The following PROM1 variants were observed in gnomAD, a reference collection of about 807,000 sequenced individuals.
The protein encoded by PROM1 is prominin 1, also known as prominin-1.
In PROM1, 105 loss-of-function variants were observed where a neutral mutation model predicts 116.9. The ratio of observed to expected loss-of-function variants is 0.90; its 90% CI spans 0.77 to 1.06. The LOEUF (loss-of-function observed/expected upper bound fraction) is 1.06, where lower values mean the gene tolerates loss of function less well. Ranked by LOEUF, PROM1 falls within the 50% of genes least tolerant of loss-of-function variation. The probability of loss-of-function intolerance (pLI) is 0.00; values close to 1 mark genes in which losing one functional copy is unlikely to be tolerated. For missense variants in PROM1, 1,122 were observed against 1,045.2 expected (o/e 1.07, Z -1.01); for synonymous variants, 393 against 387.0 (o/e 1.02, Z -0.18).
chr4:16,016,710 G>A (rs765519064), intron 9 of PROM1, among the ~76,000 whole-genome samples: 7 of 152,148 alleles, frequency 4.6e-5, no homozygotes, highest in Non-Finnish European at 7.3e-5. Context: ...CCCACATGAT[G>A]TCCAAGAACA....
Position 15,968,293 on chromosome 4 carries a change from G to C in PROM1, c.*1100C>G, listed in dbSNP as rs1165815768. 6.6e-6 allele frequency: 1 copy of C among 152,138 alleles called. No homozygotes were observed. The highest frequency in any genetic ancestry group is 2.4e-5 in the African/African-American group (1 of 41,428). The allele number at this position is 152,138 out of a possible 1,614,324, so 9.4% of individuals were successfully genotyped here. ...CAATCTGCACATGAAAAGACCTGGG[G>C]GGAATGCCTACATCTGGAATTTCAT... On this transcript the variant is annotated 3_prime_UTR_variant, in exon 28 of 28. Coordinates refer to ENST00000447510, the MANE Select transcript of PROM1 (RefSeq NM_006017.3).
intron 5 of PROM1, among the ~76,000 whole-genome samples, chr4:16,027,822 C>T (rs191759804): frequency 1.2e-4 from 18 of 152,140 alleles, no homozygotes; most frequent in Non-Finnish European, 2.2e-4. Flanking sequence ...GAAGACTGGC[C>T]GTATGTCTAA....
intron 2 of PROM1, among the ~76,000 whole-genome samples, chr4:16,051,918 C>T (rs1737974863): frequency 6.6e-6 from 1 of 152,216 alleles, no homozygotes; most frequent in Admixed American, 6.5e-5. Context: ...CCAATACAAA[C>T]ATGACATCTT....
intron 2 of PROM1, chr4:16,055,458 T>C (rs919366179): frequency 6.6e-6 from 3 of 455,882 alleles, no homozygotes; most frequent in Non-Finnish European, 1.3e-5. Context: ...ATCTACAAAA[T>C]GGAAGTAGGG....
In PROM1 at chr4:16,029,969, C is replaced by T. The variant is rs148511597; in HGVS notation, c.509+3335G>A. On this transcript the variant is annotated intron_variant, in intron 5 of 27. Coordinates refer to ENST00000447510, the MANE Select transcript of PROM1 (RefSeq NM_006017.3). The stretch of plus-strand genomic sequence containing the variant: ...CCTTTCTGCCTTCCAATTTTGTTGA[C>T]ATTCTTGTCCTTCTTATTTTTATCT... Among the ~76,000 whole-genome samples the T allele has an allele frequency of 5.6e-4, 86 of 152,276 alleles. 1 individual carries two copies. Among genetic ancestry groups the T allele is most frequent in the African/African-American group, 1.9e-3 (81 of 41,566 alleles).
intron 13 of PROM1, among the ~76,000 whole-genome samples, chr4:16,005,113 C>A (rs910090850): frequency 6.6e-6 from 1 of 151,902 alleles, no homozygotes; most frequent in Non-Finnish European, 1.5e-5. Flanking sequence ...CAGGTGTGCA[C>A]CATCATGCCC....
At chr4:16,012,795 C>T (rs951730469) in intron 11 of PROM1, among the ~76,000 whole-genome samples, 1 of 139,110 alleles carries the variant, frequency 7.2e-6, no homozygotes, top group Non-Finnish European at 1.5e-5. Context: ...GGCGTGAACC[C>T]GGGAGGCGGA....
chr4:15,977,580 G>A (rs1258886155), intron 26 of PROM1, among the ~76,000 whole-genome samples: 1 of 152,250 alleles, frequency 6.6e-6, no homozygotes, highest in Non-Finnish European at 1.5e-5. Flanking sequence ...ATGAGATGAA[G>A]TCAATTTGCC....
At chr4:15,971,130 G>A in intron 26 of PROM1, 48 bp from the exon 27 acceptor site, 1 of 1,511,650 alleles carries the variant, frequency 6.6e-7, no homozygotes, top group Non-Finnish European at 8.9e-7. Context: ...ACAAAGCTGT[G>A]GGTGGTTTCA....
chr4:15,992,937 A>G (rs1310160695), intron 16 of PROM1, among the ~76,000 whole-genome samples: 1 of 152,206 alleles, frequency 6.6e-6, no homozygotes, highest in Non-Finnish European at 1.5e-5. Context: ...GGTTGTATTG[A>G]TAGTCAGCAG....
At chr4:16,023,544 G>T in intron 7 of PROM1, 129 bp from the exon 8 acceptor site, 1 of 676,756 alleles carries the variant, frequency 1.5e-6, no homozygotes, top group Non-Finnish European at 2.5e-6. Context: ...ACCCTGTCTA[G>T]GGGTTAAACT....
chr4:15,978,015 C>A (rs142369538), intron 26 of PROM1, among the ~76,000 whole-genome samples: 1 of 152,286 alleles, frequency 6.6e-6, no homozygotes, highest in African/African-American at 2.4e-5. Context: ...GAAGGCAAAG[C>A]CCTCATTAGT....
chr4:16,020,493 C>T (rs1298846722), intron 8 of PROM1, among the ~76,000 whole-genome samples: 1 of 151,966 alleles, frequency 6.6e-6, no homozygotes, highest in East Asian at 1.9e-4. Flanking sequence ...CAGCTGCAAC[C>T]AGAAATACAC....
intron 26 of PROM1, 88 bp downstream of exon 26, chr4:15,979,307 C>A: frequency 6.3e-7 from 1 of 1,591,824 alleles, no homozygotes; most frequent in South Asian, 1.1e-5. Flanking sequence ...GTGAAGGCAT[C>A]AGCAGCATGC....
At chr4:16,006,453 G>T in intron 13 of PROM1, 85 bp downstream of exon 13, 1 of 1,435,292 alleles carries the variant, frequency 7.0e-7, no homozygotes, top group Non-Finnish European at 9.3e-7. Context: ...CCCAGAGGGC[G>T]CCGGGTTCAT....
At chr4:16,047,182 G>C (rs1342406464) in intron 2 of PROM1, among the ~76,000 whole-genome samples, 1 of 152,002 alleles carries the variant, frequency 6.6e-6, no homozygotes, top group African/African-American at 2.4e-5. Context: ...ATTGGATGAG[G>C]CCCACCCACT....
chr4:16,053,900 G>T (rs1201046674), intron 2 of PROM1, among the ~76,000 whole-genome samples: 1 of 152,296 alleles, frequency 6.6e-6, no homozygotes, highest in South Asian at 2.1e-4. Context: ...ATCAAGACCA[G>T]TGTGGCCAAC....
chr4:15,978,090 A>G (rs1716700644), intron 26 of PROM1, among the ~76,000 whole-genome samples: 1 of 152,120 alleles, frequency 6.6e-6, no homozygotes, highest in East Asian at 1.9e-4. Context: ...CCATGTGAGG[A>G]TTTGGCAAGA....
At chr4:15,997,410 G>C (rs1722601524) in intron 15 of PROM1, among the ~76,000 whole-genome samples, 1 of 150,610 alleles carries the variant, frequency 6.6e-6, no homozygotes, top group Non-Finnish European at 1.5e-5. Flanking sequence ...ATGGCTGGTA[G>C]TATACATCAC....
Sources: gnomAD v4.1 joint callset for allele counts (sites outside exome capture counted in the v4.1 genomes callset) on GRCh38, gnomAD v4.1.1 for gene constraint, MANE v1.5 for transcripts, NCBI Gene and HGNC (gene_info 2026-07-23, HGNC 2026-07-21) for gene names.